The following MYO18A variants were observed in gnomAD, a reference collection of about 807,000 sequenced individuals.
MYO18A encodes myosin XVIIIA, also known as unconventional myosin-XVIIIa.
Under a neutral mutation model 235.8 loss-of-function variants are expected in MYO18A, and 78 were observed. The ratio of observed to expected loss-of-function variants is 0.33; its 90% CI spans 0.28 to 0.40. The LOEUF is 0.40. MYO18A is among the 10% of genes least tolerant of loss of function. The probability of loss-of-function intolerance (pLI) is 1.00; values close to 1 mark genes in which losing one functional copy is unlikely to be tolerated. For synonymous variants in MYO18A, 977 were observed against 1,077.8 expected, an observed-to-expected ratio of 0.91 and a Z score of 1.83; for missense variants, 2,215 against 2,699.3, an observed-to-expected ratio of 0.82 and a Z score of 3.98.
In MYO18A at chr17:29,118,483, T is replaced by C. The variant is rs764672979; in HGVS notation, c.1830-43A>G. 1.3e-6 allele frequency: 2 copies of C among 1,556,760 alleles called. No homozygotes were observed. Among genetic ancestry groups the C allele is most frequent in the East Asian group, 2.3e-5 (1 of 43,592 alleles). ...GCATCAGCACGGCACTTGGTCCCCA[T>C]GCCAAGGCCATTTCCGCCCAGGGTG... On this transcript the variant is annotated intron_variant, in intron 8 of 41. Transcript: ENST00000527372. This position sits in a 1 kb window ranked among gnomAD's most constrained non-coding sequence, Gnocchi z 4.2.
chr17:29,077,815 T>C (rs2066018958), intron 41 of MYO18A: 1 of 152,332 alleles, frequency 6.6e-6, no homozygotes. Context: ...AATCTGCCAG[T>C]TGCCAGTCAG....
intron 20 of MYO18A, among the ~76,000 whole-genome samples, chr17:29,104,055 G>A (rs1393461136): frequency 1.3e-5 from 2 of 152,246 alleles, no homozygotes; most frequent in Non-Finnish European, 2.9e-5. Context: ...ACAGCAAAAT[G>A]CACTGAGGAA....
At position 29,126,315 on chromosome 17, in the gene MYO18A, A is replaced by G. The variant is rs2067320128; in HGVS notation, c.1000-4062T>C. 7.0e-6 allele frequency among the ~76,000 whole-genome samples: 1 copy of G among 142,036 alleles called. No homozygotes were observed. Among genetic ancestry groups the G allele is most frequent in the Non-Finnish European group, 1.5e-5 (1 of 64,576 alleles). The allele number at this position is 142,036 out of a possible 152,430, so 93.2% of individuals were successfully genotyped here. ...CCTTGTGAGAGGAGGAGGGACGGGGAGGAGGGACGGGGAGGAGGGAGGGGA... is the reference window on the plus strand; with the variant it reads ...CCTTGTGAGAGGAGGAGGGACGGGGGGGAGGGACGGGGAGGAGGGAGGGGA... On this transcript the variant is annotated intron_variant, in intron 2 of 41. Transcript: ENST00000527372. This position sits in a 1 kb window ranked among gnomAD's most constrained non-coding sequence, Gnocchi z 4.1.
At chr17:29,093,043 G>T in intron 32 of MYO18A, 42 bp from the exon 33 acceptor site, 1 of 1,593,372 alleles carries the variant, frequency 6.3e-7, no homozygotes. Flanking sequence ...CTCTGCACAG[G>T]GCTTCCTCCT....
intron 1 of MYO18A, among the ~76,000 whole-genome samples, chr17:29,169,097 G>C (rs1010908668): frequency 6.6e-6 from 1 of 151,950 alleles, no homozygotes; most frequent in East Asian, 2.0e-4. Flanking sequence ...TTGAACCCAG[G>C]AGGCAGAGGT....
chr17:29,120,878 G>T lies in MYO18A; in HGVS notation c.1585+120C>A. Reference sequence around the variant, plus strand: ...TTCAGACCAGAACTGCCCGTGGACAGAGGGGTTTCGGGGGGATGGAAAGGC... The same window carrying T: ...TTCAGACCAGAACTGCCCGTGGACATAGGGGTTTCGGGGGGATGGAAAGGC... On this transcript the variant is annotated intron_variant, in intron 6 of 41. Transcript: ENST00000527372. This position sits in a 1 kb window ranked among gnomAD's most constrained non-coding sequence, Gnocchi z 4.2. The T allele has an allele frequency of 6.4e-7, 1 of 1,560,622 alleles. No homozygotes were observed. The highest frequency in any genetic ancestry group is 8.7e-7 in the Non-Finnish European group (1 of 1,147,452).
intron 2 of MYO18A, among the ~76,000 whole-genome samples, chr17:29,124,874 C>T (rs1598345776): frequency 6.6e-6 from 1 of 152,200 alleles, no homozygotes; most frequent in African/African-American, 2.4e-5. Flanking sequence ...GTGAACTGCA[C>T]CCAGTCAAGG....
At chr17:29,110,295 C>A (rs1318094637) in intron 18 of MYO18A, 141 bp downstream of exon 18, 9 of 1,262,376 alleles carry the variant, frequency 7.1e-6, no homozygotes, top group Non-Finnish European at 9.6e-6. Flanking sequence ...GAAAAGAAGA[C>A]CCCCACCTGC....
Position 29,099,706 on chromosome 17 carries a change from G to A in MYO18A, c.3564C>T (p.Thr1188=), listed in dbSNP as rs775381940. Residue 1188 remains threonine, a synonymous_variant, in exon 22 of 42, where the codon ACC becomes ACT. Transcript: ENST00000527372. ...CTTGGAACAGGGTTAGGTTCCTGCT[G>A]GTTTGTTCATCCCGCTGCTCCTCCA... is the stretch of plus-strand genomic sequence containing the variant. ...ARLEEQRDEQ[T]SRNLTLFQAA... is the part of the protein sequence containing the mutation. 1.2e-6 allele frequency: 2 copies of A among 1,613,682 alleles called. No individual in the cohort carries two copies. Among genetic ancestry groups the A allele is most frequent in the Admixed American group, 1.7e-5 (1 of 60,006 alleles).
chr17:29,168,801 G>A (rs1047966665), intron 1 of MYO18A, among the ~76,000 whole-genome samples: 1 of 152,164 alleles, frequency 6.6e-6, no homozygotes, highest in Non-Finnish European at 1.5e-5. Flanking sequence ...CTGTCCATAA[G>A]AAATATAATT....
Position 29,118,509 on chromosome 17 carries a change from GAGAC to G in MYO18A, c.1830-73_1830-70del. ...GCCAAGGCCATTTCCGCCCAGGGTG[GAGAC>G]AGACAGACTCAGCTTCCAGACTCCA... On this transcript the variant is annotated intron_variant, in intron 8 of 41. Coordinates refer to ENST00000527372, the MANE Select transcript of MYO18A (RefSeq NM_078471.4). This position sits in a 1 kb window ranked among gnomAD's most constrained non-coding sequence, Gnocchi z 4.2. 1 of 1,399,916 alleles carries G rather than the reference GAGAC, an allele frequency of 7.1e-7. No individual in the cohort carries two copies. The highest frequency in any genetic ancestry group is 9.9e-7 in the Non-Finnish European group (1 of 1,007,472). 86.7% of individuals were successfully genotyped at this position (1,399,916 alleles called of 1,614,324 possible).
At position 29,074,207 on chromosome 17, in the gene MYO18A, T is replaced by A. The variant is rs1448054058; in HGVS notation, c.*563A>T. On this transcript the variant is annotated 3_prime_UTR_variant, in exon 42 of 42. Transcript: ENST00000527372. This position sits in a 1 kb window ranked among gnomAD's most constrained non-coding sequence, Gnocchi z 4.4. ...TGAAGATGGAGATGACATTCCCGAG[T>A]CGTTCTTGGGAGCCCCAGCTACCAC... 1.3e-6 allele frequency: 2 copies of A among 1,584,824 alleles called. No individual in the cohort carries two copies. The highest frequency in any genetic ancestry group is 1.7e-6 in the Non-Finnish European group (2 of 1,162,472).
At chr17:29,156,940 T>G (rs949943934) in intron 2 of MYO18A, among the ~76,000 whole-genome samples, 37 of 152,334 alleles carry the variant, frequency 2.4e-4, no homozygotes, top group Non-Finnish European at 1.2e-4. Flanking sequence ...CTAGGCCCTC[T>G]GCCAGGCTGT....
chr17:29,079,692 C>G, intron 41 of MYO18A: 2 of 984,824 alleles, frequency 2.0e-6, no homozygotes, highest in Non-Finnish European at 2.4e-6. Context: ...CCGGGTGGGA[C>G]ACACCATGCT....
chr17:29,120,821 A>G lies in MYO18A; in HGVS notation c.1586-63T>C. On this transcript the variant is annotated intron_variant, in intron 6 of 41. Coordinates refer to ENST00000527372, the MANE Select transcript of MYO18A (RefSeq NM_078471.4). The surrounding 1 kb of genome is among the most constrained non-coding windows in gnomAD (Gnocchi z 4.2). ...AGGGGCAGCTTATCCCCCAGCTAGG[A>G]GCTACCCCAGAGGTATGAAGGCTTG... 3 of 1,584,210 alleles carry G rather than the reference A, an allele frequency of 1.9e-6. No homozygotes were observed. Among genetic ancestry groups the G allele is most frequent in the Non-Finnish European group, 2.6e-6 (3 of 1,163,804 alleles).
At chr17:29,088,868 T>A (rs2066323628) in intron 37 of MYO18A, among the ~76,000 whole-genome samples, 1 of 151,694 alleles carries the variant, frequency 6.6e-6, no homozygotes, top group African/African-American at 2.4e-5. Flanking sequence ...CAAAACCCTG[T>A]CTCTGCAAAA....
intron 2 of MYO18A, among the ~76,000 whole-genome samples, chr17:29,143,571 T>C (rs925959185): frequency 1.3e-5 from 2 of 152,284 alleles, no homozygotes; most frequent in Middle Eastern, 3.4e-3. Flanking sequence ...ATTATCTACC[T>C]ATGATCATAA....
In MYO18A at chr17:29,074,960, C is replaced by A; in HGVS notation, c.6021-46G>T. 1 of 1,607,116 alleles carries A rather than the reference C, an allele frequency of 6.2e-7. No individual in the cohort carries two copies. The highest frequency in any genetic ancestry group is 8.5e-7 in the Non-Finnish European group (1 of 1,174,572). On this transcript the variant is annotated intron_variant, in intron 41 of 41. Coordinates refer to ENST00000527372, the MANE Select transcript of MYO18A (RefSeq NM_078471.4). This position sits in a 1 kb window ranked among gnomAD's most constrained non-coding sequence, Gnocchi z 4.4. ...GGTTAGGGACAAATGACACTCCTAC[C>A]ATTAAGCACGCACGCCTTTGGTTCT...
rs2067110762 is a variant in MYO18A, at chr17:29,117,897, A to AG, written c.2038+147dup. Reference sequence around the variant, plus strand: ...ATGCTTCCCGGGCCTTCTGCTCTGAAGTGGGGGGCTGAGAAGAGGCACAAG... The same window carrying AG: ...ATGCTTCCCGGGCCTTCTGCTCTGAAGGTGGGGGGCTGAGAAGAGGCACAAG... On this transcript the variant is annotated intron_variant, in intron 10 of 41. Transcript: ENST00000527372. This position sits in a 1 kb window ranked among gnomAD's most constrained non-coding sequence, Gnocchi z 4.6. 2.1e-6 allele frequency: 2 copies of AG among 956,986 alleles called. No individual in the cohort carries two copies. The highest frequency in any genetic ancestry group is 3.4e-5 in the South Asian group (2 of 58,980). 59.3% of individuals were successfully genotyped at this position (956,986 alleles called of 1,614,324 possible).
Sources: allele counts gnomAD v4.1 joint callset (sites outside exome capture counted in the v4.1 genomes callset), GRCh38; gene constraint gnomAD v4.1.1; non-coding constraint Gnocchi (gnomAD v3.1); transcripts MANE v1.5; gene names NCBI Gene and HGNC (gene_info 2026-07-23, HGNC 2026-07-21).